Variants in MEIKIN observed in about 807,000 individuals in gnomAD.
The protein encoded by MEIKIN is meiosis-specific kinetochore protein.
At chr5:131,829,565 T>C (rs907406151) in intron 11 of MEIKIN, among the ~76,000 whole-genome samples, 3 of 152,102 alleles carry the variant, frequency 2.0e-5, no homozygotes, top group African/African-American at 4.8e-5. Context: ...AGAGGCAATA[T>C]AGGCAATCGG....
At chr5:131,827,105 C>A (rs1337393282) in intron 11 of MEIKIN, among the ~76,000 whole-genome samples, 1 of 152,144 alleles carries the variant, frequency 6.6e-6, no homozygotes. Flanking sequence ...CCATCTCAGC[C>A]TTCTGAGTAG....
chr5:131,850,615 A>T (rs1580871901), intron 11 of MEIKIN, among the ~76,000 whole-genome samples: 1 of 152,284 alleles, frequency 6.6e-6, no homozygotes, highest in East Asian at 1.9e-4. Flanking sequence ...AGAAAACTGG[A>T]TATCTACATG....
At chr5:131,863,922 G>A (rs2149620830) in intron 9 of MEIKIN, among the ~76,000 whole-genome samples, 1 of 152,246 alleles carries the variant, frequency 6.6e-6, no homozygotes, top group South Asian at 2.1e-4. Context: ...CCTTCTGCAT[G>A]ATTGTGAGGC....
At chr5:131,928,032 T>C (rs1309935918) in intron 5 of MEIKIN, among the ~76,000 whole-genome samples, 1 of 150,524 alleles carries the variant, frequency 6.6e-6, no homozygotes, top group African/African-American at 2.5e-5. Context: ...TAGTCCCAGC[T>C]ACACGGGAGG....
intron 11 of MEIKIN, among the ~76,000 whole-genome samples, chr5:131,834,274 T>C (rs1237254701): frequency 6.6e-6 from 1 of 152,198 alleles, no homozygotes; most frequent in African/African-American, 2.4e-5. Flanking sequence ...TACACATACA[T>C]TGTGTAAGAA....
chr5:131,904,983 C>T (rs980609452), intron 8 of MEIKIN, among the ~76,000 whole-genome samples: 53 of 151,792 alleles, frequency 3.5e-4, no homozygotes, highest in Admixed American at 2.3e-3. Context: ...CAGGGCCTGT[C>T]GGGGGGTTGG....
intron 9 of MEIKIN, among the ~76,000 whole-genome samples, chr5:131,869,556 C>G (rs942585435): frequency 6.6e-6 from 1 of 152,146 alleles, no homozygotes; most frequent in Non-Finnish European, 1.5e-5. Context: ...CTCCTGAGGC[C>G]AGGCCTTGTT....
chr5:131,836,544 A>T (rs935634101), intron 11 of MEIKIN, among the ~76,000 whole-genome samples: 4 of 152,134 alleles, frequency 2.6e-5, no homozygotes, highest in African/African-American at 9.6e-5. Context: ...TTTCTCCACA[A>T]CCTCATCAGC....
intron 8 of MEIKIN, among the ~76,000 whole-genome samples, chr5:131,899,456 G>A (rs753395577): frequency 2.6e-5 from 4 of 151,096 alleles, no homozygotes; most frequent in African/African-American, 9.7e-5. Context: ...AAAATGTCAG[G>A]AGTAAGTCTC....
chr5:131,940,803 G>A (rs1751856154), intron 4 of MEIKIN, among the ~76,000 whole-genome samples: 1 of 152,158 alleles, frequency 6.6e-6, no homozygotes, highest in African/African-American at 2.4e-5. Flanking sequence ...TGTATCAGAA[G>A]TCTCACGGTT....
chr5:131,862,569 C>T (rs200828381), intron 9 of MEIKIN, among the ~76,000 whole-genome samples: 19 of 152,250 alleles, frequency 1.2e-4, no homozygotes, highest in East Asian at 1.2e-3. Flanking sequence ...TCTTACATAA[C>T]ATTAAATTTA....
chr5:131,912,287 A>G (rs1260168575), intron 7 of MEIKIN, among the ~76,000 whole-genome samples: 2 of 150,440 alleles, frequency 1.3e-5, no homozygotes, highest in East Asian at 1.9e-4. Context: ...TACATGACAG[A>G]TTGATTATTA....
chr5:131,880,668 A>T (rs1376152610), intron 8 of MEIKIN, among the ~76,000 whole-genome samples: 2 of 152,220 alleles, frequency 1.3e-5, no homozygotes, highest in African/African-American at 4.8e-5. Context: ...TAAAATGCAA[A>T]TAGTGTTTGC....
chr5:131,892,615 T>C (rs916991764), intron 8 of MEIKIN, among the ~76,000 whole-genome samples: 2 of 152,208 alleles, frequency 1.3e-5, no homozygotes, highest in African/African-American at 2.4e-5. Context: ...TATCCATTCA[T>C]CTAATTTTTC....
At chr5:131,869,726 T>G (rs1337381303) in intron 9 of MEIKIN, among the ~76,000 whole-genome samples, 1 of 152,196 alleles carries the variant, frequency 6.6e-6, no homozygotes, top group Non-Finnish European at 1.5e-5. Flanking sequence ...CTCACAAAAG[T>G]GGCAGGGGGA....
intron 9 of MEIKIN, among the ~76,000 whole-genome samples, chr5:131,878,207 A>T (rs1400267934): frequency 6.6e-6 from 1 of 152,208 alleles, no homozygotes; most frequent in Non-Finnish European, 1.5e-5. Context: ...AAATTGAATA[A>T]TCTATTTGAT....
chr5:131,914,705 T>C (rs773023776), intron 7 of MEIKIN, among the ~76,000 whole-genome samples: 9 of 151,850 alleles, frequency 5.9e-5, no homozygotes, highest in Non-Finnish European at 1.2e-4. Flanking sequence ...AAGACAACCA[T>C]ATGATACAGA....
At chr5:131,819,297 A>G (rs1749432337) in intron 11 of MEIKIN, among the ~76,000 whole-genome samples, 1 of 151,920 alleles carries the variant, frequency 6.6e-6, no homozygotes, top group Admixed American at 6.6e-5. Context: ...TCAGGCAGAT[A>G]GTCTCCAGAA....
intron 10 of MEIKIN, among the ~76,000 whole-genome samples, chr5:131,851,721 A>G (rs1214272276): frequency 6.6e-6 from 1 of 152,160 alleles, no homozygotes; most frequent in Non-Finnish European, 1.5e-5. Flanking sequence ...TGCCATATCC[A>G]TTTTTCTATC....
Sources: allele counts gnomAD v4.1 joint callset (sites outside exome capture counted in the v4.1 genomes callset), GRCh38; gene constraint gnomAD v4.1.1; transcripts MANE v1.5; gene names NCBI Gene and HGNC (gene_info 2026-07-23, HGNC 2026-07-21).